Variants in RPRD2 observed in about 807,000 individuals in gnomAD.
RPRD2 encodes regulation of nuclear pre-mRNA domain-containing protein 2.
A neutral mutation model predicts 104.4 loss-of-function variants in RPRD2; 12 were observed. The ratio of observed to expected loss-of-function variants is 0.11; its 90% confidence interval spans 0.07 to 0.19. The LOEUF (loss-of-function observed/expected upper bound fraction) is 0.19. Ranked by LOEUF, RPRD2 falls within the 10% of genes least tolerant of loss-of-function variation. The pLI is 1.00. For synonymous variants in RPRD2, 714 were observed against 684.9 expected, an observed-to-expected ratio of 1.04 and a Z score of -0.66; for missense variants, 1,543 against 1,790.1, an observed-to-expected ratio of 0.86 and a Z score of 2.49.
At chr1:150,382,653 C>G (rs1553881012) in intron 1 of RPRD2, among the ~76,000 whole-genome samples, 1 of 152,138 alleles carries the variant, frequency 6.6e-6, no homozygotes, top group Non-Finnish European at 1.5e-5. Flanking sequence ...GCCACTGCAC[C>G]TGGCCTATAG....
chr1:150,403,571 C>T (rs1047856143), intron 1 of RPRD2, among the ~76,000 whole-genome samples: 1 of 152,130 alleles, frequency 6.6e-6, no homozygotes, highest in Non-Finnish European at 1.5e-5. Flanking sequence ...CAAGGTTCAT[C>T]CATATTATGG....
chr1:150,466,011 CAAAAAAAA>C (rs71578500), intron 10 of RPRD2, among the ~76,000 whole-genome samples: 58 of 69,260 alleles, frequency 8.4e-4, no homozygotes, highest in East Asian at 1.4e-3. Flanking sequence ...AGACTCAGTC[CAAAAAAAA>C]AAAAAAAAAA....
intron 2 of RPRD2, among the ~76,000 whole-genome samples, chr1:150,422,766 G>T (rs1305816255): frequency 6.6e-6 from 1 of 152,126 alleles, no homozygotes; most frequent in African/African-American, 2.4e-5. Flanking sequence ...TGAACCATGG[G>T]CAACTTATTA....
chr1:150,463,261 C>T (rs587664496), intron 9 of RPRD2, among the ~76,000 whole-genome samples: 24 of 152,208 alleles, frequency 1.6e-4, no homozygotes, highest in Admixed American at 1.3e-3. Context: ...AATTCCAGGA[C>T]GTGTAGTTCA....
rs770483785 is a variant in RPRD2 at position 150,472,996 on chromosome 1, G to C, written c.4048G>C (p.Gly1350Arg). The change falls in exon 11 of 11, where the codon GGG becomes CGG. Residue 1350 changes from glycine (G) to arginine (R), a missense_variant. Transcript: ENST00000369068. ...FGVLPGPRDHGGPTQRDLNGP... is the reference protein window; with the variant it reads ...FGVLPGPRDHRGPTQRDLNGP... ...GGTACTCCCAGGACCCAGGGACCAC[G>C]GGGGCCCCACCCAACGGGACCTCAA... 6.2e-7 allele frequency: 1 copy of C among 1,613,918 alleles called. No individual in the cohort carries two copies. The highest frequency in any genetic ancestry group is 1.1e-5 in the South Asian group (1 of 91,080).
At chr1:150,468,738 A>G (rs1315776349) in intron 10 of RPRD2, among the ~76,000 whole-genome samples, 3 of 152,156 alleles carry the variant, frequency 2.0e-5, no homozygotes, top group Non-Finnish European at 4.4e-5. Context: ...TTAGCTGGGC[A>G]TAGTGATGTA....
chr1:150,372,488 AAC>A (rs781938858), intron 1 of RPRD2, among the ~76,000 whole-genome samples: 8 of 83,834 alleles, frequency 9.5e-5, no homozygotes, highest in Non-Finnish European at 1.4e-4. Context: ...TGAAAAAAGA[AAC>A]ACACACACAC....
At chr1:150,414,263 A>C (rs1243590191) in intron 1 of RPRD2, among the ~76,000 whole-genome samples, 2 of 152,222 alleles carry the variant, frequency 1.3e-5, no homozygotes, top group Admixed American at 1.3e-4. Context: ...GCTGTGTATT[A>C]AGCCCTATCT....
intron 1 of RPRD2, among the ~76,000 whole-genome samples, chr1:150,385,631 C>G (rs1170477968): frequency 6.6e-6 from 1 of 152,084 alleles, no homozygotes; most frequent in Non-Finnish European, 1.5e-5. Flanking sequence ...TTGCCATGTC[C>G]TTTGACTTTG....
At chr1:150,391,667 G>A (rs1303219022) in intron 1 of RPRD2, among the ~76,000 whole-genome samples, 1 of 152,224 alleles carries the variant, frequency 6.6e-6, no homozygotes, top group Non-Finnish European at 1.5e-5. Context: ...CAACACTCTG[G>A]GAGGCTGAGG....
chr1:150,409,286 A>G (rs139788516), intron 1 of RPRD2, among the ~76,000 whole-genome samples: 417 of 152,284 alleles, frequency 2.7e-3, no homozygotes, highest in African/African-American at 9.4e-3. Context: ...AGAATACCTC[A>G]TTGTACCTAG....
intron 2 of RPRD2, among the ~76,000 whole-genome samples, chr1:150,426,466 G>T (rs1328443491): frequency 6.6e-6 from 1 of 152,156 alleles, no homozygotes; most frequent in Non-Finnish European, 1.5e-5. Context: ...TAGGGATGCT[G>T]TGAGGATTAA....
chr1:150,399,523 G>A (rs1266000233), intron 1 of RPRD2, among the ~76,000 whole-genome samples: 1 of 152,118 alleles, frequency 6.6e-6, no homozygotes, highest in Non-Finnish European at 1.5e-5. Flanking sequence ...TTGGGAGGCT[G>A]AGGCGGGTGG....
Position 150,471,422 on chromosome 1 carries a change from C to G in RPRD2, c.2474C>G (p.Thr825Ser), listed in dbSNP as rs2102445096. The G allele has an allele frequency of 6.2e-7, 1 of 1,613,926 alleles. No individual in the cohort carries two copies. The highest frequency in any genetic ancestry group is 8.5e-7 in the Non-Finnish European group (1 of 1,179,892). Residue 825 changes from threonine (T) to serine (S), a missense_variant, in exon 11 of 11, where the codon ACT becomes AGT. By Grantham distance (58) the Thr-to-Ser change is moderately conservative. Around this residue, in one of 4 missense-constraint regions of RPRD2, gnomAD observed 880 missense variants for 885.6 expected, o/e 0.99. Coordinates refer to ENST00000369068, the MANE Select transcript of RPRD2 (RefSeq NM_015203.5). This position sits in a 1 kb window ranked among gnomAD's most constrained non-coding sequence, Gnocchi z 5.3. ...DSSQEKFYPD[T>S]SFQEDEDYRD... is the part of the protein sequence containing the mutation. ...TCACAGGAAAAGTTCTACCCAGATA[C>G]TTCTTTCCAAGAAGATGAGGATTAC...
Position 150,386,547 on chromosome 1 carries a change from G to C in RPRD2, c.205+21628G>C, listed in dbSNP as rs1661582448. On this transcript the variant is annotated intron_variant, in intron 1 of 10. Coordinates refer to ENST00000369068, the MANE Select transcript of RPRD2 (RefSeq NM_015203.5). Reference sequence around the variant, plus strand: ...CACCTGCGGCTGGACACCTCAATCTGTGGTACATATTGAGCAGTCCAACTT... The same window carrying C: ...CACCTGCGGCTGGACACCTCAATCTCTGGTACATATTGAGCAGTCCAACTT... Among the ~76,000 whole-genome samples, 6 of 152,182 alleles carry C rather than the reference G, an allele frequency of 3.9e-5. No individual in the cohort carries two copies. The South Asian group carries it at 1.2e-3, about 31-fold the overall frequency.
At chr1:150,437,918 G>T (rs1666119307) in intron 2 of RPRD2, among the ~76,000 whole-genome samples, 1 of 144,802 alleles carries the variant, frequency 6.9e-6, no homozygotes, top group Non-Finnish European at 1.5e-5. Flanking sequence ...TAACCAGAAA[G>T]AACAGACTCT....
chr1:150,443,534 C>CAAGAG (rs1227246571), intron 5 of RPRD2, among the ~76,000 whole-genome samples: 1 of 152,144 alleles, frequency 6.6e-6, no homozygotes, highest in Non-Finnish European at 1.5e-5. Flanking sequence ...TTTATGCCAG[C>CAAGAG]AAGAGAGTTT....
intron 2 of RPRD2, among the ~76,000 whole-genome samples, chr1:150,430,512 A>T (rs1665482315): frequency 6.6e-6 from 1 of 152,180 alleles, no homozygotes. Flanking sequence ...TAAAAAAAAT[A>T]CAAATTAGGC....
At chr1:150,441,248 A>G (rs1352546211) in intron 3 of RPRD2, 5 of 415,752 alleles carry the variant, frequency 1.2e-5, no homozygotes, top group Admixed American at 4.2e-5. Context: ...AGTGACTACA[A>G]AAGTCAAGCA....
Sources: gnomAD v4.1 joint callset for allele counts (sites outside exome capture counted in the v4.1 genomes callset) on GRCh38, gnomAD v4.1.1 for gene constraint, gnomAD v4.1.1 regional missense constraint, Gnocchi (gnomAD v3.1) non-coding constraint, MANE v1.5 for transcripts, NCBI Gene and HGNC (gene_info 2026-07-23, HGNC 2026-07-21) for gene names.